Variants in IQCM observed in about 807,000 individuals in gnomAD.
IQCM encodes the protein IQ domain-containing protein M.
IQCM carries 45 observed loss-of-function variants against 57.6 expected under a neutral mutation model. The ratio of observed to expected loss-of-function variants is 0.78; its 90% CI spans 0.62 to 1.00. The LOEUF is 1.00. IQCM is among the 50% of genes least tolerant of loss of function. The pLI is 0.00. For synonymous variants in IQCM, 148 were observed against 158.9 expected (o/e 0.93, Z 0.51); for missense variants, 468 against 511.6 (o/e 0.91, Z 0.82).
At chr4:149,506,129 C>T (rs931133063) in intron 12 of IQCM, among the ~76,000 whole-genome samples, 1 of 151,958 alleles carries the variant, frequency 6.6e-6, no homozygotes, top group Admixed American at 6.6e-5. Flanking sequence ...GTGGATGCTG[C>T]CCTCTCACCT....
rs190118616 is a variant in IQCM at position 149,687,987 on chromosome 4, G to A, written c.386-1519C>T. Among the ~76,000 whole-genome samples the A allele has an allele frequency of 2.5e-3, 381 of 151,804 alleles. 3 individuals are homozygous for A. Among genetic ancestry groups the A allele is most frequent in the African/African-American group, 6.6e-3 (274 of 41,468 alleles). Reference sequence around the variant, plus strand: ...AGCCATCTATGACAAACCCACAGCCGACATAATACTGAATAGGGAAAAGTT... The same window carrying A: ...AGCCATCTATGACAAACCCACAGCCAACATAATACTGAATAGGGAAAAGTT... On this transcript the variant is annotated intron_variant, in intron 5 of 13. Transcript: ENST00000636793.
At chr4:149,698,706 T>C (rs921543844) in intron 5 of IQCM, among the ~76,000 whole-genome samples, 8 of 152,122 alleles carry the variant, frequency 5.3e-5, no homozygotes, top group Non-Finnish European at 1.2e-4. Context: ...GCTAACCTTA[T>C]ATATTTCAGG....
intron 12 of IQCM, among the ~76,000 whole-genome samples, chr4:149,478,579 A>G (rs1288607318): frequency 6.6e-6 from 1 of 152,202 alleles, no homozygotes; most frequent in Admixed American, 6.5e-5. Context: ...GGAACACAGC[A>G]TATTTGATAC....
intron 12 of IQCM, among the ~76,000 whole-genome samples, chr4:149,439,692 A>G (rs1735716968): frequency 6.6e-6 from 1 of 152,112 alleles, no homozygotes; most frequent in Non-Finnish European, 1.5e-5. Context: ...CAGTCTCAAC[A>G]TGGGTAGGTT....
intron 13 of IQCM, among the ~76,000 whole-genome samples, chr4:149,365,822 T>A (rs887529788): frequency 6.6e-6 from 1 of 151,862 alleles, no homozygotes; most frequent in African/African-American, 2.4e-5. Flanking sequence ...TACAAGGAAA[T>A]AATGAGAAAC....
At chr4:149,362,659 A>G (rs952881778) in intron 13 of IQCM, among the ~76,000 whole-genome samples, 1 of 152,138 alleles carries the variant, frequency 6.6e-6, no homozygotes, top group African/African-American at 2.4e-5. Context: ...AAGTCCAATT[A>G]AATCTCTTTT....
rs554304590 is a variant in IQCM, at chr4:149,386,935, A to G, written c.1391-34869T>C. The stretch of plus-strand genomic sequence containing the variant: ...TGTATCTCCCTTTACCAAAAACTAC[A>G]TAAGTGATGCTGTATATTTCATATA... On this transcript the variant is annotated intron_variant, in intron 13 of 13. Coordinates refer to ENST00000636793, the MANE Select transcript of IQCM (RefSeq NM_001363507.2). Among the ~76,000 whole-genome samples, 21 of 152,196 alleles carry G rather than the reference A, an allele frequency of 1.4e-4. 1 individual carries two copies. In the South Asian group the frequency reaches 3.9e-3, roughly 29 times the overall value.
intron 9 of IQCM, among the ~76,000 whole-genome samples, chr4:149,567,158 A>T (rs1252855348): frequency 1.3e-5 from 2 of 151,986 alleles, no homozygotes; most frequent in Non-Finnish European, 2.9e-5. Flanking sequence ...TGTGCTTGTG[A>T]ATCTTTTTTC....
chr4:149,487,608 C>T (rs1741657643), intron 12 of IQCM, among the ~76,000 whole-genome samples: 1 of 152,134 alleles, frequency 6.6e-6, no homozygotes, highest in African/African-American at 2.4e-5. Flanking sequence ...CAAGTACTGA[C>T]CACTGGGATG....
At position 149,595,028 on chromosome 4, in the gene IQCM, G is replaced by A. The variant is rs188905812; in HGVS notation, c.682-7031C>T. On this transcript the variant is annotated intron_variant, in intron 8 of 13. Transcript: ENST00000636793. ...GATATCCTTGTTAACTTTCTGTCTC[G>A]TTGATCTGTCTAATGTTGACAGTGG... Among the ~76,000 whole-genome samples, 492 of 152,162 alleles carry A rather than the reference G, an allele frequency of 3.2e-3. 5 individuals are homozygous for A. The highest frequency in any genetic ancestry group is 5.8e-3 in the East Asian group (30 of 5,160).
intron 11 of IQCM, 122 bp downstream of exon 11, chr4:149,553,021 A>G (rs992230419): frequency 1.1e-5 from 7 of 662,012 alleles, no homozygotes; most frequent in Non-Finnish European, 1.3e-5. Flanking sequence ...TAAAATGCAA[A>G]TTGCTTACAG....
chr4:149,668,566 G>A (rs1760950172), intron 7 of IQCM, among the ~76,000 whole-genome samples: 1 of 152,006 alleles, frequency 6.6e-6, no homozygotes, highest in Non-Finnish European at 1.5e-5. Context: ...GTAGATGATG[G>A]GTTGATGGGT....
chr4:149,505,470 T>A (rs1260039574), intron 12 of IQCM, among the ~76,000 whole-genome samples: 6 of 152,204 alleles, frequency 3.9e-5, no homozygotes, highest in Admixed American at 6.5e-5. Flanking sequence ...TCTTTAAGAT[T>A]CCCAAAACTT....
At position 149,577,298 on chromosome 4, in the gene IQCM, C is replaced by G. The variant is rs540717332; in HGVS notation, c.749+10632G>C. Among the ~76,000 whole-genome samples the G allele has an allele frequency of 8.5e-5, 13 of 152,092 alleles. 1 individual carries two copies. The highest frequency in any genetic ancestry group is 6.8e-3 in the Middle Eastern group (2 of 294). On this transcript the variant is annotated intron_variant, in intron 9 of 13. Transcript: ENST00000636793. ...GCTTTTGGAGTCTTAGTCATGAAATCTTTGCCAGGGCTGATATCCAAAATG... is the reference window on the plus strand; with the variant it reads ...GCTTTTGGAGTCTTAGTCATGAAATGTTTGCCAGGGCTGATATCCAAAATG...
chr4:149,682,050 T>G lies in IQCM; in HGVS notation c.565+68A>C, dbSNP rs1397283086. 5.4e-6 allele frequency: 3 copies of G among 550,564 alleles called. No homozygotes were observed. In the Admixed American group the frequency reaches 1.3e-4, roughly 24 times the overall value. The allele number at this position is 550,564 out of a possible 1,614,324, so 34.1% of individuals were successfully genotyped here. ...CTGTTCAATACTAGCTCTTTGTTTT[T>G]GCATTTAAATGAATGCAAAATAATG... On this transcript the variant is annotated intron_variant, in intron 7 of 13. Transcript: ENST00000636793.
intron 7 of IQCM, among the ~76,000 whole-genome samples, chr4:149,667,035 T>G (rs1237740332): frequency 6.6e-6 from 1 of 152,142 alleles, no homozygotes; most frequent in Non-Finnish European, 1.5e-5. Context: ...CTGCCAGCTC[T>G]GAAAAGAACA....
chr4:149,355,592 C>A (rs1728914843), intron 13 of IQCM, among the ~76,000 whole-genome samples: 1 of 152,108 alleles, frequency 6.6e-6, no homozygotes, highest in Non-Finnish European at 1.5e-5. Context: ...TTTATAGCTG[C>A]ATAGTATTCC....
intron 12 of IQCM, among the ~76,000 whole-genome samples, chr4:149,510,225 G>A (rs1280758814): frequency 1.3e-5 from 2 of 151,986 alleles, no homozygotes; most frequent in Admixed American, 6.6e-5. Context: ...CATTTCTCTG[G>A]CTACTGGTAA....
At chr4:149,455,706 C>T (rs1737622794) in intron 12 of IQCM, among the ~76,000 whole-genome samples, 1 of 152,086 alleles carries the variant, frequency 6.6e-6, no homozygotes, top group East Asian at 1.9e-4. Flanking sequence ...TGTCTCACCC[C>T]TGTAATCCCA....
Sources: gnomAD v4.1 joint callset for allele counts (sites outside exome capture counted in the v4.1 genomes callset) on GRCh38, gnomAD v4.1.1 for gene constraint, MANE v1.5 for transcripts, NCBI Gene and HGNC (gene_info 2026-07-23, HGNC 2026-07-21) for gene names.